Variants in GPR158 observed in about 807,000 individuals in gnomAD.
GPR158 encodes the protein G protein-coupled receptor 158.
In GPR158, 30 loss-of-function variants were observed where a neutral mutation model predicts 78.2. That is an observed-to-expected ratio of 0.38 (90% CI 0.29 to 0.52). The LOEUF (loss-of-function observed/expected upper bound fraction) is 0.52. Among genes scored for constraint, GPR158 ranks in the 20% least tolerant of loss-of-function variants. The probability of loss-of-function intolerance (pLI) is 0.83; values close to 1 mark genes in which losing one functional copy is unlikely to be tolerated. For synonymous variants in GPR158, 581 were observed against 591.1 expected, an observed-to-expected ratio of 0.98 and a Z score of 0.25; for missense variants, 1,463 against 1,523.5, an observed-to-expected ratio of 0.96 and a Z score of 0.66.
chr10:25,575,149 T>C (rs987378455), intron 7 of GPR158, among the ~76,000 whole-genome samples: 3 of 152,054 alleles, frequency 2.0e-5, no homozygotes, highest in African/African-American at 7.2e-5. Flanking sequence ...GAAAATAAGA[T>C]AATGATGGAA....
chr10:25,287,172 T>C (rs1321471087), intron 2 of GPR158, among the ~76,000 whole-genome samples: 1 of 152,086 alleles, frequency 6.6e-6, no homozygotes, highest in East Asian at 1.9e-4. Context: ...GAGATTTTTT[T>C]CCTTTTCTTT....
chr10:25,549,113 A>G (rs1836698882), intron 5 of GPR158, among the ~76,000 whole-genome samples: 1 of 152,172 alleles, frequency 6.6e-6, no homozygotes. Context: ...AAGAATTTCT[A>G]TGGCCATTTC....
At chr10:25,426,834 T>C (rs1226352495) in intron 4 of GPR158, among the ~76,000 whole-genome samples, 1 of 152,040 alleles carries the variant, frequency 6.6e-6, no homozygotes, top group Non-Finnish European at 1.5e-5. Flanking sequence ...TGCAAGGTTT[T>C]CACAAACCTT....
chr10:25,588,267 G>T (rs757964390), intron 7 of GPR158, among the ~76,000 whole-genome samples: 4 of 152,162 alleles, frequency 2.6e-5, no homozygotes, highest in African/African-American at 4.8e-5. Context: ...TAAGTAAATT[G>T]CCTAAGATTA....
chr10:25,424,439 T>A (rs1284335030), intron 4 of GPR158, among the ~76,000 whole-genome samples: 2 of 151,844 alleles, frequency 1.3e-5, no homozygotes, highest in Non-Finnish European at 1.5e-5. Flanking sequence ...TTTGGTGTTT[T>A]AGACATGAAG....
intron 6 of GPR158, among the ~76,000 whole-genome samples, chr10:25,568,274 G>A (rs149257560): frequency 1.3e-5 from 2 of 152,152 alleles, no homozygotes; most frequent in East Asian, 1.9e-4. Context: ...ATGGGGAGCC[G>A]TTGGAGTTTC....
At chr10:25,385,711 A>G (rs909526539) in intron 2 of GPR158, among the ~76,000 whole-genome samples, 1 of 152,040 alleles carries the variant, frequency 6.6e-6, no homozygotes, top group African/African-American at 2.4e-5. Context: ...GCATTTCTCT[A>G]AGTATTTAGT....
At chr10:25,423,888 G>A (rs1455838704) in intron 4 of GPR158, among the ~76,000 whole-genome samples, 7 of 152,224 alleles carry the variant, frequency 4.6e-5, no homozygotes, top group Non-Finnish European at 1.5e-5. Flanking sequence ...ATAATCCTTT[G>A]GGTATATACC....
At chr10:25,245,003 A>C (rs1853670524) in intron 2 of GPR158, 1 of 152,202 alleles carries the variant, frequency 6.6e-6, no homozygotes, top group Admixed American at 6.5e-5. Context: ...CAAAGCTTCC[A>C]ATAACATGCT....
chr10:25,469,573 A>G (rs1835467219), intron 5 of GPR158, among the ~76,000 whole-genome samples: 1 of 152,074 alleles, frequency 6.6e-6, no homozygotes, highest in South Asian at 2.1e-4. Flanking sequence ...TCATGAGGTC[A>G]GGAGATCGAG....
At chr10:25,248,972 G>A (rs1479071329) in intron 2 of GPR158, among the ~76,000 whole-genome samples, 2 of 150,108 alleles carry the variant, frequency 1.3e-5, no homozygotes, top group Admixed American at 1.3e-4. Flanking sequence ...CCATTTGTTT[G>A]TATCCTCTTT....
Position 25,510,360 on chromosome 10 carries a change from T to C in GPR158, c.1405-40616T>C, listed in dbSNP as rs1303838951. ...TAATAAATTAATTCCAAAGATGATA[T>C]TGTATAGGAGCTTCACATTTTAATA... On this transcript the variant is annotated intron_variant, in intron 5 of 10. Transcript: ENST00000376351. Among the ~76,000 whole-genome samples, 3 of 152,174 alleles carry C rather than the reference T, an allele frequency of 2.0e-5. No homozygotes were observed. In the South Asian group the frequency reaches 6.2e-4, roughly 32 times the overall value.
chr10:25,599,258 A>C lies in GPR158; in HGVS notation c.3632A>C (p.Asp1211Ala). 6.2e-7 allele frequency: 1 copy of C among 1,610,796 alleles called. No individual in the cohort carries two copies. Among genetic ancestry groups the C allele is most frequent in the Non-Finnish European group, 8.5e-7 (1 of 1,178,866 alleles). ...GGGCCTAGGAAAGAAGAGATCTGGG[A>C]TAGTTTTAAAGTGTAGCATCTCCAG... ...IAGPRKEEIW[D>A]SFKV The change falls in exon 11 of 11, where the codon GAT becomes GCT. Residue 1211 changes from aspartate (D) to alanine (A), a missense_variant. Transcript: ENST00000376351.
At chr10:25,485,558 TGTTTA>T (rs1446779023) in intron 5 of GPR158, among the ~76,000 whole-genome samples, 3 of 152,170 alleles carry the variant, frequency 2.0e-5, no homozygotes, top group African/African-American at 7.2e-5. Flanking sequence ...TCAATTTATG[TGTTTA>T]GTTTGTTATA....
intron 5 of GPR158, among the ~76,000 whole-genome samples, chr10:25,529,493 C>T (rs542454050): frequency 3.3e-4 from 50 of 152,248 alleles, no homozygotes; most frequent in Non-Finnish European, 4.9e-4. Flanking sequence ...TTTTGGAAGC[C>T]TCTCATTGCA....
intron 4 of GPR158, among the ~76,000 whole-genome samples, chr10:25,430,685 C>G (rs1320534237): frequency 6.9e-6 from 1 of 143,992 alleles, no homozygotes; most frequent in Non-Finnish European, 1.5e-5. Context: ...TGGAACAGAA[C>G]AGAGCCCTCA....
rs1247598825 is a variant in GPR158 at position 25,175,518 on chromosome 10, A to T, written c.98A>T (p.Asp33Val). ...AGCCGCGACCCCCAAGGACGGCCGG[A>T]TTCCCCTCGAGAGAGGACCCCGAAG... is the stretch of plus-strand genomic sequence containing the variant. ...GASRDPQGRP[D>V]SPRERTPKGK... The change falls in exon 1 of 11, where the codon GAT becomes GTT. Residue 33 changes from aspartate to valine, a missense_variant. Transcript: ENST00000376351. This position sits in a 1 kb window ranked among gnomAD's most constrained non-coding sequence, Gnocchi z 6.4. 1.2e-6 allele frequency: 2 copies of T among 1,612,202 alleles called. No homozygotes were observed. The highest frequency in any genetic ancestry group is 2.2e-5 in the South Asian group (2 of 91,044).
At chr10:25,477,501 C>A (rs1170221271) in intron 5 of GPR158, among the ~76,000 whole-genome samples, 4 of 152,038 alleles carry the variant, frequency 2.6e-5, no homozygotes, top group Non-Finnish European at 4.4e-5. Context: ...CTCCAAAGAG[C>A]CCTGGTTCTT....
intron 2 of GPR158, among the ~76,000 whole-genome samples, chr10:25,268,498 A>G (rs1278078174): frequency 6.6e-6 from 1 of 152,120 alleles, no homozygotes; most frequent in African/African-American, 2.4e-5. Flanking sequence ...TATTGTATAT[A>G]AATTGTACCT....
Sources: allele counts gnomAD v4.1 joint callset (sites outside exome capture counted in the v4.1 genomes callset), GRCh38; gene constraint gnomAD v4.1.1; non-coding constraint Gnocchi (gnomAD v3.1); transcripts MANE v1.5; gene names NCBI Gene and HGNC (gene_info 2026-07-23, HGNC 2026-07-21).